The following DLG2 variants were observed in gnomAD, a reference collection of about 807,000 sequenced individuals.
DLG2 encodes discs large MAGUK scaffold protein 2, also known as disks large homolog 2.
Under a neutral mutation model 132.5 loss-of-function variants are expected in DLG2, and 45 were observed. The observed-to-expected ratio is 0.34, with a 90% CI of 0.27 to 0.44. The LOEUF is 0.44. Among genes scored for constraint, DLG2 ranks in the 20% least tolerant of loss-of-function variants. The pLI is 1.00. For synonymous variants in DLG2, 424 were observed against 419.6 expected (o/e 1.01, Z -0.13); for missense variants, 1,045 against 1,196.9 (o/e 0.87, Z 1.87).
chr11:83,750,038 G>T (rs540354547), intron 18 of DLG2, among the ~76,000 whole-genome samples: 1 of 152,094 alleles, frequency 6.6e-6, no homozygotes, highest in Non-Finnish European at 1.5e-5. Flanking sequence ...TTTTAGGGAG[G>T]GGGAACTCTG....
In DLG2 at chr11:83,466,118, C is replaced by T. The variant is rs113787301; in HGVS notation, c.2729+590G>A. On this transcript the variant is annotated intron_variant, in intron 26 of 27. Coordinates refer to ENST00000376104, the MANE Select transcript of DLG2 (RefSeq NM_001142699.3). ...TTAAGTTACAGATGTTTTACTGCCACGCCACTAAGAAAACTCTATTAAGAA... is the reference window on the plus strand; with the variant it reads ...TTAAGTTACAGATGTTTTACTGCCATGCCACTAAGAAAACTCTATTAAGAA... Among the ~76,000 whole-genome samples, 1,423 of 152,216 alleles carry T rather than the reference C, an allele frequency of 9.3e-3. 11 individuals are homozygous for T. The highest frequency in any genetic ancestry group is 0.016 in the Non-Finnish European group (1,063 of 68,006).
intron 17 of DLG2, 49 bp downstream of exon 17, chr11:83,833,565 T>A (rs2055211295): frequency 6.6e-7 from 1 of 1,518,374 alleles, no homozygotes; most frequent in Admixed American, 2.0e-5. Context: ...GACTTTTTCA[T>A]TGATGGCGTC....
At chr11:84,361,310 CAA>C (rs1319377739) in intron 7 of DLG2, among the ~76,000 whole-genome samples, 2 of 151,676 alleles carry the variant, frequency 1.3e-5, no homozygotes, top group East Asian at 1.9e-4. Flanking sequence ...AAACCAAAGA[CAA>C]AGTGAAAAAT....
intron 7 of DLG2, among the ~76,000 whole-genome samples, chr11:84,450,909 G>T (rs986993295): frequency 6.6e-6 from 1 of 151,498 alleles, no homozygotes. Context: ...TTTAATTCAT[G>T]CTTGAAAGAA....
chr11:85,285,781 G>C (rs2078514934), intron 3 of DLG2, among the ~76,000 whole-genome samples: 1 of 151,876 alleles, frequency 6.6e-6, no homozygotes, highest in South Asian at 2.1e-4. Context: ...TAAAACTAAA[G>C]AGATAGTTTT....
chr11:84,371,126 GTTTAC>G (rs1159000935), intron 7 of DLG2, among the ~76,000 whole-genome samples: 1 of 151,616 alleles, frequency 6.6e-6, no homozygotes, highest in Non-Finnish European at 1.5e-5. Context: ...TCAGCCTTTG[GTTTAC>G]TTTACTAAAA....
intron 7 of DLG2, among the ~76,000 whole-genome samples, chr11:84,413,118 A>G (rs999613975): frequency 2.0e-5 from 3 of 152,176 alleles, no homozygotes; most frequent in Admixed American, 6.5e-5. Context: ...ATAGACTCAG[A>G]AGTCACTGTC....
chr11:83,880,355 T>G (rs2065867056), intron 15 of DLG2, among the ~76,000 whole-genome samples: 1 of 152,154 alleles, frequency 6.6e-6, no homozygotes, highest in Admixed American at 6.5e-5. Flanking sequence ...TGCCTAAACT[T>G]GAATAATGCA....
intron 18 of DLG2, among the ~76,000 whole-genome samples, chr11:83,782,126 G>A (rs115773276): frequency 0.014 from 2,143 of 152,188 alleles, 57 homozygotes; most frequent in African/African-American, 0.049. Context: ...AAAACCAAAA[G>A]GCACCATCTA....
At chr11:85,247,950 C>T (rs914925758) in intron 4 of DLG2, among the ~76,000 whole-genome samples, 2 of 152,080 alleles carry the variant, frequency 1.3e-5, no homozygotes, top group Non-Finnish European at 2.9e-5. Context: ...TCATCATTCT[C>T]TGCAACTTGC....
At chr11:84,389,876 A>T (rs954800726) in intron 7 of DLG2, among the ~76,000 whole-genome samples, 1 of 152,180 alleles carries the variant, frequency 6.6e-6, no homozygotes, top group Non-Finnish European at 1.5e-5. Flanking sequence ...CTTACTTCAA[A>T]TTCATGAGGT....
intron 6 of DLG2, among the ~76,000 whole-genome samples, chr11:84,934,209 C>T (rs1295811693): frequency 6.6e-6 from 1 of 151,862 alleles, no homozygotes. Context: ...ACTTTGCATC[C>T]CAGATATAAA....
At chr11:83,951,336 T>A (rs190899785) in intron 14 of DLG2, among the ~76,000 whole-genome samples, 14 of 152,152 alleles carry the variant, frequency 9.2e-5, no homozygotes, top group African/African-American at 2.6e-4. Flanking sequence ...AACAGATAAG[T>A]CCCTGAGCCA....
chr11:84,852,538 G>T (rs140117854), intron 6 of DLG2, among the ~76,000 whole-genome samples: 26 of 152,074 alleles, frequency 1.7e-4, no homozygotes, highest in South Asian at 4.1e-4. Flanking sequence ...GTATGCGTTT[G>T]CCATCTTTGA....
chr11:84,649,712 G>A (rs1329945917), intron 6 of DLG2, among the ~76,000 whole-genome samples: 1 of 152,124 alleles, frequency 6.6e-6, no homozygotes, highest in Non-Finnish European at 1.5e-5. Context: ...ATAGTGAGGT[G>A]GTCAGATCTT....
intron 3 of DLG2, among the ~76,000 whole-genome samples, chr11:85,456,859 T>A (rs577500510): frequency 3.6e-4 from 55 of 152,204 alleles, no homozygotes; most frequent in Non-Finnish European, 4.4e-4. Context: ...TTGTTTTGAA[T>A]TTGCCAAGGA....
chr11:84,495,824 A>G (rs891575), intron 7 of DLG2, among the ~76,000 whole-genome samples: 86,746 of 152,012 alleles, frequency 0.57, 27,602 homozygotes, highest in African/African-American at 0.87. Flanking sequence ...GTGGTACACA[A>G]TAGGTGATCC....
At chr11:83,912,290 C>T (rs2076212592) in intron 15 of DLG2, among the ~76,000 whole-genome samples, 1 of 151,986 alleles carries the variant, frequency 6.6e-6, no homozygotes, top group Non-Finnish European at 1.5e-5. Flanking sequence ...CAACTTATGA[C>T]TGGGTTGTTA....
At chr11:84,818,466 T>A (rs889138645) in intron 6 of DLG2, among the ~76,000 whole-genome samples, 25 of 151,708 alleles carry the variant, frequency 1.6e-4, no homozygotes, top group Non-Finnish European at 1.3e-4. Context: ...AATAAATTTA[T>A]ATTTATTTTC....
Sources: gnomAD v4.1 joint callset for allele counts (sites outside exome capture counted in the v4.1 genomes callset) on GRCh38, gnomAD v4.1.1 for gene constraint, MANE v1.5 for transcripts, NCBI Gene and HGNC (gene_info 2026-07-23, HGNC 2026-07-21) for gene names.